RBFOX1: variants seen among roughly 807,000 people sequenced by gnomAD.
RBFOX1 encodes the protein RNA binding protein fox-1 homolog 1.
Under a neutral mutation model 57.7 loss-of-function variants are expected in RBFOX1, and 8 were observed. That is an observed-to-expected ratio of 0.14 (90% confidence interval 0.08 to 0.25). RBFOX1 has a LOEUF of 0.25. RBFOX1 is among the 10% of genes least tolerant of loss of function. RBFOX1 has a pLI of 1.00. For synonymous variants in RBFOX1, 326 were observed against 222.4 expected (o/e 1.47, Z -4.15); for missense variants, 611 against 548.5 (o/e 1.11, Z -1.14).
intron 3 of RBFOX1, among the ~76,000 whole-genome samples, 165 bp downstream of exon 3, chr16:6,654,815 C>T (rs1195936094): frequency 2.0e-5 from 3 of 152,242 alleles, no homozygotes; most frequent in African/African-American, 7.2e-5. Flanking sequence ...CATTTTACTC[C>T]TTTACAATCT....
intron 4 of RBFOX1, among the ~76,000 whole-genome samples, chr16:5,884,827 T>C (rs185072720): frequency 2.6e-5 from 4 of 152,080 alleles, no homozygotes; most frequent in Non-Finnish European, 4.4e-5. Context: ...AGAGGCTCCA[T>C]GAGGGGCTTT....
At chr16:5,632,999 TATG>T (rs2048566380) in intron 3 of RBFOX1, among the ~76,000 whole-genome samples, 2 of 149,740 alleles carry the variant, frequency 1.3e-5, no homozygotes, top group South Asian at 4.3e-4. Context: ...AATGCAGTGT[TATG>T]ATCTCAGCTC....
At chr16:5,544,368 G>C (rs2045096347) in intron 2 of RBFOX1, among the ~76,000 whole-genome samples, 1 of 152,130 alleles carries the variant, frequency 6.6e-6, no homozygotes, top group African/African-American at 2.4e-5. Flanking sequence ...AAGCTATTTT[G>C]AATTGAATGA....
At chr16:7,613,355 A>T (rs1169367263) in intron 10 of RBFOX1, among the ~76,000 whole-genome samples, 1 of 152,232 alleles carries the variant, frequency 6.6e-6, no homozygotes, top group Admixed American at 6.5e-5. Context: ...CCCTAGGGTT[A>T]CAGGGGCGAT....
At chr16:6,740,439 A>C (rs1238838317) in intron 3 of RBFOX1, among the ~76,000 whole-genome samples, 1 of 152,220 alleles carries the variant, frequency 6.6e-6, no homozygotes, top group African/African-American at 2.4e-5. Flanking sequence ...GATTAAAATA[A>C]AGAAATAAAA....
At chr16:5,747,687 T>C (rs114547245) in intron 3 of RBFOX1, among the ~76,000 whole-genome samples, 5,632 of 152,174 alleles carry the variant, frequency 0.037, 358 homozygotes, top group African/African-American at 0.13. Context: ...ATACTATTCT[T>C]TGATGGTAGT....
intron 1 of RBFOX1, among the ~76,000 whole-genome samples, chr16:6,058,958 TG>T (rs2095651103): frequency 6.6e-6 from 1 of 152,216 alleles, no homozygotes; most frequent in African/African-American, 2.4e-5. Context: ...TCTGTGAATC[TG>T]GAACAACTAA....
intron 3 of RBFOX1, among the ~76,000 whole-genome samples, chr16:5,743,474 AATATGGGAGCC>A (rs2052857493): frequency 6.6e-6 from 1 of 152,222 alleles, no homozygotes; most frequent in South Asian, 2.1e-4. Flanking sequence ...TGTGCCGTTC[AATATGGGAGCC>A]ATTGGCTACA....
intron 3 of RBFOX1, among the ~76,000 whole-genome samples, chr16:5,771,910 A>C (rs1263786110): frequency 3.3e-5 from 5 of 152,308 alleles, no homozygotes; most frequent in African/African-American, 1.2e-4. Context: ...ACAGTGGCTC[A>C]CGCCTGTAAT....
intron 1 of RBFOX1, among the ~76,000 whole-genome samples, chr16:6,104,707 G>A (rs2096357138): frequency 6.6e-6 from 1 of 152,038 alleles, no homozygotes; most frequent in Non-Finnish European, 1.5e-5. Flanking sequence ...TTCAAATACT[G>A]TAATACACTT....
At chr16:6,707,532 A>G (rs2062976916) in intron 3 of RBFOX1, among the ~76,000 whole-genome samples, 1 of 136,310 alleles carries the variant, frequency 7.3e-6, no homozygotes, top group South Asian at 2.3e-4. Context: ...ATCCTTGTAC[A>G]TGCATCTTGG....
intron 3 of RBFOX1, among the ~76,000 whole-genome samples, chr16:6,977,791 G>A (rs895738310): frequency 6.6e-5 from 10 of 152,004 alleles, no homozygotes; most frequent in African/African-American, 1.9e-4. Context: ...ATCTTATCCC[G>A]TAGTCAGTGT....
At chr16:7,634,192 C>G (rs1311850062) in intron 11 of RBFOX1, among the ~76,000 whole-genome samples, 3 of 152,130 alleles carry the variant, frequency 2.0e-5, no homozygotes, top group Admixed American at 6.5e-5. Context: ...GTAGGATGCT[C>G]TTGTTTTTTA....
At chr16:7,213,054 T>A (rs141393195) in intron 4 of RBFOX1, among the ~76,000 whole-genome samples, 231 of 152,228 alleles carry the variant, frequency 1.5e-3, no homozygotes, top group African/African-American at 5.2e-3. Context: ...CAGAAGTAAA[T>A]GAAAGCCAGA....
chr16:7,231,861 C>A (rs1435699942), intron 4 of RBFOX1, among the ~76,000 whole-genome samples: 1 of 152,106 alleles, frequency 6.6e-6, no homozygotes, highest in Non-Finnish European at 1.5e-5. Flanking sequence ...TAAATCCACA[C>A]CAACAGAAAG....
chr16:7,532,584 C>T (rs549622670), intron 5 of RBFOX1, among the ~76,000 whole-genome samples: 8 of 152,280 alleles, frequency 5.3e-5, no homozygotes, highest in African/African-American at 1.7e-4. Context: ...GGGCCCAGAG[C>T]CCCTTAGCAG....
At chr16:6,941,010 C>T (rs910133967) in intron 3 of RBFOX1, among the ~76,000 whole-genome samples, 1 of 151,880 alleles carries the variant, frequency 6.6e-6, no homozygotes, top group Non-Finnish European at 1.5e-5. Flanking sequence ...CCCGGCCCCC[C>T]TTATCGTATA....
At chr16:6,394,694 ATGTG>A (rs560656739) in intron 2 of RBFOX1, among the ~76,000 whole-genome samples, 1 of 151,354 alleles carries the variant, frequency 6.6e-6, no homozygotes, top group African/African-American at 2.4e-5. Flanking sequence ...GTATTAGATA[ATGTG>A]TGTGTGTGTA....
At chr16:5,974,642 A>G (rs922858351) in intron 4 of RBFOX1, among the ~76,000 whole-genome samples, 1 of 152,060 alleles carries the variant, frequency 6.6e-6, no homozygotes, top group Admixed American at 6.5e-5. Flanking sequence ...ATCTGTCCCC[A>G]ACCCAGGTTT....
Sources: allele counts gnomAD v4.1 joint callset (sites outside exome capture counted in the v4.1 genomes callset), GRCh38; gene constraint gnomAD v4.1.1; transcripts MANE v1.5; gene names NCBI Gene and HGNC (gene_info 2026-07-23, HGNC 2026-07-21).